The following DPP10 variants were observed in gnomAD, a reference collection of about 807,000 sequenced individuals.
DPP10 encodes the protein inactive dipeptidyl peptidase 10.
In DPP10, 33 loss-of-function variants were observed where a neutral mutation model predicts 120.9. The observed-to-expected ratio is 0.27, with a 90% confidence interval of 0.21 to 0.37. The LOEUF (loss-of-function observed/expected upper bound fraction) is 0.37. Among genes scored for constraint, DPP10 ranks in the 10% least tolerant of loss-of-function variants. The probability of loss-of-function intolerance (pLI) is 1.00; values close to 1 mark genes in which losing one functional copy is unlikely to be tolerated. For missense variants in DPP10, 816 were observed against 942.8 expected (o/e 0.87, Z 1.76); for synonymous variants, 337 against 326.1 (o/e 1.03, Z -0.36).
chr2:115,003,929 A>G (rs1238388127), intron 1 of DPP10, among the ~76,000 whole-genome samples: 1 of 152,230 alleles, frequency 6.6e-6, no homozygotes, highest in East Asian at 1.9e-4. Context: ...TAATGCATAC[A>G]GTATTAGTTT....
chr2:115,434,529 A>T (rs1314014001), intron 3 of DPP10, among the ~76,000 whole-genome samples: 5 of 151,690 alleles, frequency 3.3e-5, no homozygotes, highest in East Asian at 3.9e-4. Flanking sequence ...CTTCTTTTTT[A>T]AAAAAAATAA....
intron 1 of DPP10, among the ~76,000 whole-genome samples, chr2:115,079,372 C>CAAAAAAAAAAGAAA (rs57960886): frequency 6.1e-5 from 9 of 146,490 alleles, no homozygotes; most frequent in East Asian, 2.0e-4. Context: ...TCTCAAAAAA[C>CAAAAAAAAAAGAAA]AAAAAAAAAG....
chr2:115,269,657 A>G (rs1292138749), intron 1 of DPP10, among the ~76,000 whole-genome samples: 1 of 152,154 alleles, frequency 6.6e-6, no homozygotes, highest in African/African-American at 2.4e-5. Context: ...CATGGTGAAC[A>G]GTCTAAGAAT....
chr2:115,538,767 A>T (rs1456871603), intron 5 of DPP10, among the ~76,000 whole-genome samples: 1 of 152,002 alleles, frequency 6.6e-6, no homozygotes, highest in African/African-American at 2.4e-5. Flanking sequence ...AACTACCTAG[A>T]ACCGTGTGCC....
chr2:114,535,553 A>G (rs1490559314), intron 1 of DPP10, among the ~76,000 whole-genome samples: 1 of 152,184 alleles, frequency 6.6e-6, no homozygotes, highest in African/African-American at 2.4e-5. Context: ...AATAGTTACT[A>G]AACCAGCGAA....
intron 1 of DPP10, among the ~76,000 whole-genome samples, chr2:114,814,384 C>T (rs997464554): frequency 2.6e-5 from 4 of 151,262 alleles, no homozygotes; most frequent in African/African-American, 7.3e-5. Flanking sequence ...CTTCATCTTT[C>T]TGGATCTTAG....
intron 7 of DPP10, among the ~76,000 whole-genome samples, chr2:115,716,311 T>G (rs746298978): frequency 6.6e-6 from 1 of 152,222 alleles, no homozygotes; most frequent in Non-Finnish European, 1.5e-5. Context: ...GAATACTTTT[T>G]GACATGCTTT....
chr2:114,707,588 C>T (rs1407423450), intron 1 of DPP10, among the ~76,000 whole-genome samples: 1 of 152,092 alleles, frequency 6.6e-6, no homozygotes. Flanking sequence ...ACTTGGGGCT[C>T]AATAGCTTTA....
intron 1 of DPP10, among the ~76,000 whole-genome samples, chr2:115,058,691 G>C (rs572028620): frequency 6.6e-6 from 1 of 152,244 alleles, no homozygotes; most frequent in East Asian, 1.9e-4. Context: ...GTGAGCTACC[G>C]TGCCCGGCCT....
intron 3 of DPP10, among the ~76,000 whole-genome samples, chr2:115,403,944 T>C (rs957960599): frequency 3.3e-5 from 5 of 152,198 alleles, no homozygotes; most frequent in Non-Finnish European, 7.3e-5. Flanking sequence ...TTTTCTATAT[T>C]GCAATAATGG....
intron 5 of DPP10, among the ~76,000 whole-genome samples, chr2:115,622,539 T>C (rs1345611722): frequency 6.6e-6 from 1 of 150,410 alleles, no homozygotes; most frequent in South Asian, 2.1e-4. Context: ...TTTTAACGTA[T>C]GTTTTCTTTT....
intron 1 of DPP10, among the ~76,000 whole-genome samples, chr2:114,999,030 C>T (rs1229206640): frequency 6.6e-6 from 1 of 152,144 alleles, no homozygotes; most frequent in African/African-American, 2.4e-5. Context: ...TGCAAATTGT[C>T]CTGGAATACC....
intron 5 of DPP10, among the ~76,000 whole-genome samples, chr2:115,686,152 T>G (rs942406507): frequency 3.3e-5 from 5 of 151,972 alleles, no homozygotes; most frequent in Non-Finnish European, 4.4e-5. Flanking sequence ...TTTTTCACAT[T>G]TTTGTGCTTT....
intron 1 of DPP10, among the ~76,000 whole-genome samples, chr2:115,193,620 A>T (rs1364194520): frequency 6.6e-6 from 1 of 152,038 alleles, no homozygotes; most frequent in Non-Finnish European, 1.5e-5. Context: ...TTCAGTCCAA[A>T]TTTTTCCAAA....
intron 1 of DPP10, among the ~76,000 whole-genome samples, chr2:114,462,494 G>A (rs1415225602): frequency 1.3e-5 from 2 of 152,128 alleles, no homozygotes; most frequent in African/African-American, 2.4e-5. Context: ...GATTTTGTAG[G>A]ATGTGACTCA....
intron 1 of DPP10, among the ~76,000 whole-genome samples, chr2:115,250,575 C>G (rs1356536786): frequency 6.6e-6 from 1 of 152,060 alleles, no homozygotes; most frequent in Non-Finnish European, 1.5e-5. Flanking sequence ...GCAATGGCAG[C>G]CTCAGCTCAT....
At chr2:115,257,939 G>C (rs1048667801) in intron 1 of DPP10, among the ~76,000 whole-genome samples, 4 of 152,084 alleles carry the variant, frequency 2.6e-5, no homozygotes, top group African/African-American at 9.7e-5. Flanking sequence ...GATTCAAACT[G>C]TGGAAAAGAG....
intron 1 of DPP10, among the ~76,000 whole-genome samples, chr2:115,254,062 A>G (rs550814696): frequency 2.0e-5 from 3 of 152,346 alleles, no homozygotes; most frequent in African/African-American, 7.2e-5. Flanking sequence ...GCATGCCTGC[A>G]CGCTTAACAC....
intron 1 of DPP10, among the ~76,000 whole-genome samples, chr2:114,994,914 A>G (rs951439385): frequency 2.0e-5 from 3 of 152,156 alleles, no homozygotes. Flanking sequence ...TTCTGCATAG[A>G]ATTTTTGTGT....
Sources: allele counts gnomAD v4.1 joint callset (sites outside exome capture counted in the v4.1 genomes callset), GRCh38; gene constraint gnomAD v4.1.1; transcripts MANE v1.5; gene names NCBI Gene and HGNC (gene_info 2026-07-23, HGNC 2026-07-21).